Variants in PDE4D observed in about 807,000 individuals in gnomAD.
PDE4D encodes phosphodiesterase 4D, also known as 3',5'-cyclic-AMP phosphodiesterase 4D.
Under a neutral mutation model 87.4 loss-of-function variants are expected in PDE4D, and 24 were observed. That is an observed-to-expected ratio of 0.27 (90% confidence interval 0.20 to 0.39). PDE4D has a LOEUF of 0.39. Ranked by LOEUF, PDE4D falls within the 10% of genes least tolerant of loss-of-function variation. The pLI is 1.00. For missense variants in PDE4D, 714 were observed against 1,041.0 expected, an observed-to-expected ratio of 0.69 and a Z score of 4.32; for synonymous variants, 384 against 383.2, an observed-to-expected ratio of 1.00 and a Z score of -0.02.
intron 11 of PDE4D, among the ~76,000 whole-genome samples, chr5:58,982,026 C>A (rs1047210177): frequency 1.3e-5 from 2 of 152,154 alleles, no homozygotes; most frequent in African/African-American, 4.8e-5. Flanking sequence ...GTCTTAACTT[C>A]CAGTTCAACG....
At chr5:59,471,112 G>A (rs1181697504) in intron 1 of PDE4D, among the ~76,000 whole-genome samples, 1 of 152,098 alleles carries the variant, frequency 6.6e-6, no homozygotes, top group African/African-American at 2.4e-5. Context: ...AGGAATGGTG[G>A]CATGCATCTG....
chr5:60,334,460 C>G (rs1489840911), intron 1 of PDE4D, among the ~76,000 whole-genome samples: 1 of 152,102 alleles, frequency 6.6e-6, no homozygotes, highest in Non-Finnish European at 1.5e-5. Context: ...CAAAGTTCAT[C>G]GCAGTGATCC....
intron 2 of PDE4D, among the ~76,000 whole-genome samples, chr5:59,199,880 A>C (rs532663191): frequency 1.9e-3 from 293 of 152,062 alleles, no homozygotes; most frequent in African/African-American, 6.5e-3. Flanking sequence ...ACATACATCT[A>C]TATACACATG....
chr5:59,017,287 A>T (rs1754210727), intron 6 of PDE4D, among the ~76,000 whole-genome samples: 1 of 152,204 alleles, frequency 6.6e-6, no homozygotes, highest in African/African-American at 2.4e-5. Flanking sequence ...AAAGTGCTTG[A>T]GGCAAAACTG....
At chr5:60,283,879 A>G (rs376234997) in intron 1 of PDE4D, among the ~76,000 whole-genome samples, 2 of 152,020 alleles carry the variant, frequency 1.3e-5, no homozygotes, top group African/African-American at 4.8e-5. Flanking sequence ...GACTGCGTGT[A>G]TTTCCTATGC....
At chr5:59,041,798 A>T (rs1486707558) in intron 5 of PDE4D, among the ~76,000 whole-genome samples, 1 of 152,218 alleles carries the variant, frequency 6.6e-6, no homozygotes, top group Non-Finnish European at 1.5e-5. Context: ...ATCTAACAGG[A>T]TGTGGCTCCA....
intron 6 of PDE4D, among the ~76,000 whole-genome samples, chr5:59,033,762 G>A (rs1045508136): frequency 1.3e-5 from 2 of 151,922 alleles, no homozygotes; most frequent in Middle Eastern, 3.2e-3. Flanking sequence ...TTTCGAAAAC[G>A]TAGACAGTTC....
intron 1 of PDE4D, among the ~76,000 whole-genome samples, chr5:60,211,602 T>C (rs748582523): frequency 2.5e-4 from 37 of 150,706 alleles, no homozygotes; most frequent in Non-Finnish European, 3.7e-4. Context: ...ATTTATATTA[T>C]ATGAATAACA....
intron 1 of PDE4D, among the ~76,000 whole-genome samples, chr5:59,349,779 T>C (rs187212663): frequency 6.6e-6 from 1 of 152,226 alleles, no homozygotes; most frequent in African/African-American, 2.4e-5. Flanking sequence ...GTACATCTCC[T>C]GGCATTCCAC....
Position 59,454,523 on chromosome 5 carries a change from C to T in PDE4D, c.456-238555G>A, listed in dbSNP as rs143317771. Among the ~76,000 whole-genome samples the T allele has an allele frequency of 5.2e-3, 784 of 152,206 alleles. 11 individuals carry two copies. The highest frequency in any genetic ancestry group is 0.017 in the African/African-American group (701 of 41,512). The stretch of plus-strand genomic sequence containing the variant: ...CTCCCCAGCCCTGTGGAATTGTAAG[C>T]CTATTAAACCTCTTTTTCTCCCCAG... On this transcript the variant is annotated intron_variant, in intron 1 of 14. Transcript: ENST00000340635.
At chr5:59,250,348 C>T (rs1759684369) in intron 1 of PDE4D, among the ~76,000 whole-genome samples, 1 of 150,664 alleles carries the variant, frequency 6.6e-6, no homozygotes. Context: ...AAAAAACAAG[C>T]CAGGAGTGGT....
At chr5:60,049,746 G>A (rs953226647) in intron 2 of PDE4D, among the ~76,000 whole-genome samples, 50 of 152,178 alleles carry the variant, frequency 3.3e-4, no homozygotes, top group African/African-American at 1.2e-3. Context: ...GCTGCATGCT[G>A]GGAGAACCAC....
chr5:59,030,297 A>G (rs1757112810), intron 6 of PDE4D, among the ~76,000 whole-genome samples: 1 of 152,056 alleles, frequency 6.6e-6, no homozygotes, highest in African/African-American at 2.4e-5. Context: ...TAAGAGGCTA[A>G]TATTCAAAAT....
chr5:60,391,089 T>A (rs1248313811), intron 1 of PDE4D, among the ~76,000 whole-genome samples: 1 of 152,232 alleles, frequency 6.6e-6, no homozygotes, highest in Non-Finnish European at 1.5e-5. Flanking sequence ...TTATTTATTA[T>A]CTTTCCCCTT....
intron 1 of PDE4D, among the ~76,000 whole-genome samples, chr5:60,322,143 T>G (rs1167459467): frequency 6.6e-6 from 1 of 152,066 alleles, no homozygotes; most frequent in Non-Finnish European, 1.5e-5. Flanking sequence ...AGCAAAGACA[T>G]GGACTCAACC....
chr5:60,029,747 G>C (rs994852308), intron 2 of PDE4D, among the ~76,000 whole-genome samples: 2 of 151,330 alleles, frequency 1.3e-5, no homozygotes, highest in African/African-American at 4.9e-5. Context: ...GTCTCTGTTT[G>C]TTCTTCCATA....
intron 1 of PDE4D, among the ~76,000 whole-genome samples, chr5:60,265,207 CA>C (rs1455650937): frequency 6.6e-6 from 1 of 152,126 alleles, no homozygotes; most frequent in African/African-American, 2.4e-5. Context: ...ACTCACAGCC[CA>C]GGGGAGGACA....
At chr5:59,002,381 C>T (rs547054473) in intron 6 of PDE4D, among the ~76,000 whole-genome samples, 45 of 152,188 alleles carry the variant, frequency 3.0e-4, no homozygotes, top group South Asian at 1.5e-3. Context: ...GCTTGTGTAA[C>T]CAACAAGTGA....
At chr5:59,868,276 C>T (rs749031678) in intron 1 of PDE4D, among the ~76,000 whole-genome samples, 9 of 151,936 alleles carry the variant, frequency 5.9e-5, no homozygotes, top group Non-Finnish European at 8.8e-5. Context: ...AATTTATTTT[C>T]GGTAAAAATA....
Sources: gnomAD v4.1 joint callset for allele counts (sites outside exome capture counted in the v4.1 genomes callset) on GRCh38, gnomAD v4.1.1 for gene constraint, MANE v1.5 for transcripts, NCBI Gene and HGNC (gene_info 2026-07-23, HGNC 2026-07-21) for gene names.